ABCG8: variants seen among roughly 807,000 people sequenced by gnomAD.
The protein encoded by ABCG8 is ATP binding cassette subfamily G member 8, also known as ATP-binding cassette sub-family G member 8.
ABCG8 carries 81 observed loss-of-function variants against 71.3 expected under a neutral mutation model. The observed-to-expected ratio is 1.14, with a 90% confidence interval of 0.95 to 1.37. The LOEUF is 1.37. Ranked by LOEUF, ABCG8 falls within the 40% of genes most tolerant of loss-of-function variation. The pLI is 0.00. For synonymous variants in ABCG8, 451 were observed against 354.7 expected, an observed-to-expected ratio of 1.27 and a Z score of -3.05; for missense variants, 1,119 against 866.2, an observed-to-expected ratio of 1.29 and a Z score of -3.66.
At chr2:43,873,416 G>A (rs188238602) in intron 8 of ABCG8, among the ~76,000 whole-genome samples, 11 of 151,782 alleles carry the variant, frequency 7.2e-5, no homozygotes, top group Admixed American at 3.9e-4. Context: ...GGTCTCGATC[G>A]CCTGGCCTCA....
chr2:43,844,407 G>T, intron 1 of ABCG8, 100 bp from the exon 2 acceptor site: 1 of 901,596 alleles, frequency 1.1e-6, no homozygotes, highest in Non-Finnish European at 1.8e-6. Context: ...TAACCACGTC[G>T]GCTCTAAGAA....
At chr2:43,867,889 A>C (rs544299273) in intron 6 of ABCG8, among the ~76,000 whole-genome samples, 1 of 151,010 alleles carries the variant, frequency 6.6e-6, no homozygotes, top group South Asian at 2.1e-4. Flanking sequence ...AACTCTCACT[A>C]TCTCTCTGGA....
At chr2:43,862,283 G>A (rs1302467331) in intron 6 of ABCG8, among the ~76,000 whole-genome samples, 2 of 142,534 alleles carry the variant, frequency 1.4e-5, no homozygotes, top group African/African-American at 5.3e-5. Flanking sequence ...TATCTGGGTA[G>A]TATTCTCACT....
intron 8 of ABCG8, among the ~76,000 whole-genome samples, chr2:43,872,805 C>A (rs1401419299): frequency 1.3e-5 from 2 of 152,146 alleles, no homozygotes; most frequent in Non-Finnish European, 1.5e-5. Context: ...TTAAGATATC[C>A]TCACCGGCTG....
intron 2 of ABCG8, 133 bp downstream of exon 2, chr2:43,844,741 G>A (rs1161209490): frequency 1.0e-5 from 7 of 696,648 alleles, no homozygotes; most frequent in Admixed American, 4.2e-5. Context: ...CCACATTGAT[G>A]CCTCACGTGT....
intron 6 of ABCG8, among the ~76,000 whole-genome samples, chr2:43,871,182 C>A (rs929091803): frequency 1.3e-5 from 2 of 151,860 alleles, no homozygotes; most frequent in Admixed American, 6.6e-5. Context: ...ATAGAACTCT[C>A]CCCATCTGGA....
chr2:43,862,648 C>T (rs557274008), intron 6 of ABCG8, among the ~76,000 whole-genome samples: 113 of 149,982 alleles, frequency 7.5e-4, no homozygotes, highest in African/African-American at 2.7e-3. Flanking sequence ...ATAGAATTCT[C>T]ACTATCTAAC....
chr2:43,858,364 A>G (rs959367387), intron 6 of ABCG8, among the ~76,000 whole-genome samples: 5 of 151,636 alleles, frequency 3.3e-5, no homozygotes, highest in African/African-American at 7.3e-5. Context: ...AACTCTCACT[A>G]TCTGGATAGA....
At position 43,859,331 on chromosome 2, in the gene ABCG8, A is replaced by G. The variant is rs1034797334; in HGVS notation, c.964+6463A>G. Among the ~76,000 whole-genome samples the G allele has an allele frequency of 2.7e-5, 4 of 150,712 alleles. 1 individual carries two copies. The South Asian group carries it at 6.3e-4, about 24-fold the overall frequency. The stretch of plus-strand genomic sequence containing the variant: ...TCACTATCTGGATAGAATTCTCGCC[A>G]TCTGCATGCACGGGATTCTAACTAT... On this transcript the variant is annotated intron_variant, in intron 6 of 12. Transcript: ENST00000272286.
rs557890655 is a variant in ABCG8 at position 43,852,491 on chromosome 2, G to C, written c.694+5G>C. ...TGCAGCTCCTGTGGAACCCAGGTGA[G>C]GGCCTGGGGGGCAGATGGGGGCAGA... is the stretch of plus-strand genomic sequence containing the variant. On this transcript the variant is annotated splice_donor_5th_base_variant and intron_variant, in intron 5 of 12. Transcript: ENST00000272286. 6.1e-5 allele frequency: 98 copies of C among 1,613,390 alleles called. No individual in the cohort carries two copies. In the East Asian group the frequency reaches 2.1e-3, roughly 35 times the overall value.
chr2:43,880,173 G>GTTTTTTTT lies in ABCG8; in HGVS notation c.*2264_*2265insTTTTTTTT, dbSNP rs369164911. ...ACCAAGAGTTTCAGGCTCATTTTTTGTTTTGTTTTTTTTTTTTTGAGACAG... is the reference window on the plus strand; with the variant it reads ...ACCAAGAGTTTCAGGCTCATTTTTTGTTTTTTTTTTTTGTTTTTTTTTTTTTGAGACAG... On this transcript the variant is annotated 3_prime_UTR_variant, in exon 13 of 13. Coordinates refer to ENST00000272286, the MANE Select transcript of ABCG8 (RefSeq NM_022437.3). 2 of 86,054 alleles carry GTTTTTTTT rather than the reference G, an allele frequency of 2.3e-5. No homozygotes were observed. Among genetic ancestry groups the GTTTTTTTT allele is most frequent in the Non-Finnish European group, 2.4e-5 (1 of 41,566 alleles). 5.3% of individuals were successfully genotyped at this position (86,054 alleles called of 1,614,324 possible). A position where few individuals can be genotyped will look rare whatever the true frequency, so the allele number is the denominator to read the frequency against.
chr2:43,844,064 G>C (rs1001786471), intron 1 of ABCG8, among the ~76,000 whole-genome samples: 1 of 152,196 alleles, frequency 6.6e-6, no homozygotes, highest in Non-Finnish European at 1.5e-5. Context: ...CATGCTGCAA[G>C]TGTCATGTCT....
At chr2:43,864,223 A>G (rs933923970) in intron 6 of ABCG8, among the ~76,000 whole-genome samples, 2 of 149,988 alleles carry the variant, frequency 1.3e-5, no homozygotes, top group Non-Finnish European at 3.0e-5. Flanking sequence ...TCTGGATAGA[A>G]CTTTCACTAT....
Position 43,874,545 on chromosome 2 carries a change from A to G in ABCG8, c.1488+62A>G, listed in dbSNP as rs936557992. ...CACCAGGGTGGGGGTAAGTGTGGAGAAAACGTTGCTACAAGGAAGGCTTTT... is the reference window on the plus strand; with the variant it reads ...CACCAGGGTGGGGGTAAGTGTGGAGGAAACGTTGCTACAAGGAAGGCTTTT... On this transcript the variant is annotated intron_variant, in intron 10 of 12. Transcript: ENST00000272286. The G allele has an allele frequency of 1.8e-5, 25 of 1,389,138 alleles. No homozygotes were observed. The Admixed American group carries it at 4.2e-4, about 23-fold the overall frequency. 86.1% of individuals were successfully genotyped at this position (1,389,138 alleles called of 1,614,324 possible).
chr2:43,847,537 C>G (rs1668782758), intron 3 of ABCG8: 1 of 151,894 alleles, frequency 6.6e-6, no homozygotes. Flanking sequence ...GAAACCCCGT[C>G]TCTACTAAAA....
chr2:43,869,321 A>G (rs1669667099), intron 6 of ABCG8, among the ~76,000 whole-genome samples: 1 of 151,460 alleles, frequency 6.6e-6, no homozygotes, highest in African/African-American at 2.4e-5. Flanking sequence ...AACTCTCACT[A>G]TCTTTCTGGA....
intron 1 of ABCG8, among the ~76,000 whole-genome samples, chr2:43,842,651 T>C (rs1216884341): frequency 6.6e-6 from 1 of 152,116 alleles, no homozygotes; most frequent in Non-Finnish European, 1.5e-5. Flanking sequence ...AACTCTCATG[T>C]ACACACCACC....
intron 6 of ABCG8, among the ~76,000 whole-genome samples, chr2:43,862,576 G>A (rs1331101849): frequency 1.6e-5 from 2 of 125,276 alleles, no homozygotes; most frequent in Admixed American, 8.0e-5. Flanking sequence ...CTATGTTTCT[G>A]GATAGAACTC....
rs777947491 is a variant in ABCG8 at position 43,851,773 on chromosome 2, C to A, written c.512C>A (p.Ala171Asp). The part of the protein sequence containing the change: ...LTVRETLAFI[A>D]QMRLPRTFSQ... ...GTGCGAGAGACCTTGGCCTTCATTGCCCAGATGCGGCTGCCCAGAACCTTC... is the reference window on the plus strand; with the variant it reads ...GTGCGAGAGACCTTGGCCTTCATTGACCAGATGCGGCTGCCCAGAACCTTC... Residue 171 changes from alanine (A) to aspartate (D), a missense_variant, in exon 4 of 13, where the codon GCC (alanine) becomes GAC (aspartate). Physicochemically the swap from Ala to Asp is moderately radical, Grantham distance 126. Coordinates refer to ENST00000272286, the MANE Select transcript of ABCG8 (RefSeq NM_022437.3). 1.1e-5 allele frequency: 17 copies of A among 1,614,252 alleles called. No individual in the cohort carries two copies. Among genetic ancestry groups the A allele is most frequent in the Non-Finnish European group, 1.4e-5 (17 of 1,180,056 alleles).
Sources: gnomAD v4.1 joint callset for allele counts (sites outside exome capture counted in the v4.1 genomes callset) on GRCh38, gnomAD v4.1.1 for gene constraint, MANE v1.5 for transcripts, NCBI Gene and HGNC (gene_info 2026-07-23, HGNC 2026-07-21) for gene names.